PLCZ1: variants seen among roughly 807,000 people sequenced by gnomAD.
The protein encoded by PLCZ1 is 1-phosphatidylinositol 4,5-bisphosphate phosphodiesterase zeta-1.
PLCZ1 carries 64 observed loss-of-function variants against 76.8 expected under a neutral mutation model. The observed-to-expected ratio is 0.83, with a 90% confidence interval of 0.68 to 1.03. The LOEUF is 1.03. Among genes scored for constraint, PLCZ1 ranks in the 50% least tolerant of loss-of-function variants. The pLI is 0.00. For missense variants in PLCZ1, 751 were observed against 713.7 expected (o/e 1.05, Z -0.60); for synonymous variants, 248 against 230.8 (o/e 1.07, Z -0.68).
chr12:18,725,338 C>T (rs560847293), intron 3 of PLCZ1, among the ~76,000 whole-genome samples: 1 of 152,036 alleles, frequency 6.6e-6, no homozygotes, highest in Non-Finnish European at 1.5e-5. Context: ...TGCTGAGGCA[C>T]GTGACAGCAG....
chr12:18,655,071 G>C, the PLCZ1 span, among the ~76,000 whole-genome samples: 1 of 151,546 alleles, frequency 6.6e-6, no homozygotes, highest in East Asian at 2.0e-4. Flanking sequence ...AAATACCAGA[G>C]GCTTTTGATG....
rs948728978 is a variant in PLCZ1 at position 18,699,958 on chromosome 12, T to C, written c.1018-8A>G. On this transcript the variant is annotated splice_polypyrimidine_tract_variant and splice_region_variant and intron_variant, in intron 9 of 14. Coordinates refer to ENST00000266505, the MANE Select transcript of PLCZ1 (RefSeq NM_033123.4). ...AATTTTTAGCTTCCTGGTCTAAAAA[T>C]AAAATGCAGTAATTTTACATTTTTA... 1.9e-6 allele frequency: 3 copies of C among 1,603,462 alleles called. No individual in the cohort carries two copies. The highest frequency in any genetic ancestry group is 2.6e-6 in the Non-Finnish European group (3 of 1,174,426).
chr12:18,658,789 C>G, the PLCZ1 span, among the ~76,000 whole-genome samples: 414 of 152,176 alleles, frequency 2.7e-3, 1 homozygote, highest in African/African-American at 9.4e-3. Flanking sequence ...GAATGCTATA[C>G]TTTAGCTTAG....
intron 5 of PLCZ1, 43 bp downstream of exon 5, chr12:18,719,388 C>T: frequency 8.3e-7 from 1 of 1,203,680 alleles, no homozygotes; most frequent in Non-Finnish European, 1.1e-6. Context: ...CAGGAACTTC[C>T]AAGTATTTTT....
chr12:18,729,858 T>A (rs975494267), intron 3 of PLCZ1, among the ~76,000 whole-genome samples: 6 of 152,100 alleles, frequency 3.9e-5, no homozygotes, highest in African/African-American at 1.4e-4. Context: ...CTCAAATTTA[T>A]AATAAAATGT....
At chr12:18,721,465 T>C (rs1958429802) in intron 4 of PLCZ1, among the ~76,000 whole-genome samples, 3 of 152,062 alleles carry the variant, frequency 2.0e-5, no homozygotes, top group South Asian at 4.1e-4. Context: ...GGATGAACAG[T>C]ATAATATTGT....
At chr12:18,653,499 G>T in the PLCZ1 span, among the ~76,000 whole-genome samples, 2 of 152,130 alleles carry the variant, frequency 1.3e-5, no homozygotes, top group African/African-American at 4.8e-5. Flanking sequence ...ACAAGCTCTA[G>T]TAAATTTGTA....
At chr12:18,696,931 CACAA>C (rs1955145096) in intron 10 of PLCZ1, among the ~76,000 whole-genome samples, 2 of 152,102 alleles carry the variant, frequency 1.3e-5, no homozygotes, top group South Asian at 4.1e-4. Context: ...GTAGTATACA[CACAA>C]ACAGGAACAA....
At chr12:18,686,809 C>A (rs1302968724) in intron 13 of PLCZ1, among the ~76,000 whole-genome samples, 2 of 152,034 alleles carry the variant, frequency 1.3e-5, no homozygotes, top group Non-Finnish European at 2.9e-5. Context: ...GATTTTAAGT[C>A]TTTTACTACT....
intron 7 of PLCZ1, 54 bp from the exon 8 acceptor site, chr12:18,701,830 G>GT: frequency 1.9e-6 from 3 of 1,550,558 alleles, no homozygotes; most frequent in Non-Finnish European, 2.6e-6. Context: ...AATTTGCATT[G>GT]TAACAGTCAC....
chr12:18,701,040 A>G (rs1188215336), intron 9 of PLCZ1, among the ~76,000 whole-genome samples: 1 of 151,456 alleles, frequency 6.6e-6, no homozygotes, highest in African/African-American at 2.4e-5. Flanking sequence ...GTTGGAGTGC[A>G]ATGGCTCGAT....
chr12:18,701,354 G>A (rs745648109), intron 9 of PLCZ1, 147 bp downstream of exon 9: 9 of 1,408,366 alleles, frequency 6.4e-6, no homozygotes, highest in Non-Finnish European at 8.5e-6. Flanking sequence ...TTCCACCATC[G>A]ATGTTTTCAA....
At chr12:18,688,444 G>A (rs971714253) in intron 12 of PLCZ1, among the ~76,000 whole-genome samples, 1 of 151,760 alleles carries the variant, frequency 6.6e-6, no homozygotes, top group Non-Finnish European at 1.5e-5. Flanking sequence ...AATCCACAAT[G>A]TCCACAATTT....
the PLCZ1 span, among the ~76,000 whole-genome samples, chr12:18,652,318 C>T: frequency 6.6e-6 from 1 of 151,976 alleles, no homozygotes; most frequent in Non-Finnish European, 1.5e-5. Context: ...CAGATCTGCA[C>T]AGAAGGAAAA....
chr12:18,690,204 C>G (rs1592015650), intron 12 of PLCZ1, among the ~76,000 whole-genome samples: 1 of 151,000 alleles, frequency 6.6e-6, no homozygotes, highest in South Asian at 2.1e-4. Flanking sequence ...CAAAACACAT[C>G]TGTTTTTTGT....
chr12:18,656,075 G>A, the PLCZ1 span, among the ~76,000 whole-genome samples: 1 of 152,178 alleles, frequency 6.6e-6, no homozygotes, highest in Non-Finnish European at 1.5e-5. Context: ...TACTAGTAAA[G>A]GAGAGTGACA....
downstream of PLCZ1, among the ~76,000 whole-genome samples, chr12:18,679,812 A>T (rs1413534038): frequency 1.3e-5 from 2 of 152,018 alleles, no homozygotes; most frequent in African/African-American, 4.8e-5. Context: ...CTTATCCCTG[A>T]AAACAGGTAC....
At chr12:18,662,866 T>C in the PLCZ1 span, among the ~76,000 whole-genome samples, 1 of 151,880 alleles carries the variant, frequency 6.6e-6, no homozygotes, top group African/African-American at 2.4e-5. Flanking sequence ...CCAAAGGAAA[T>C]GAGAAAATAC....
At chr12:18,648,271 T>A in the PLCZ1 span, 1 of 266,584 alleles carries the variant, frequency 3.8e-6, no homozygotes, top group Non-Finnish European at 7.1e-6. Context: ...TGTAAAATAA[T>A]AAAAGACCTT....
Sources: gnomAD v4.1 joint callset for allele counts (sites outside exome capture counted in the v4.1 genomes callset) on GRCh38, gnomAD v4.1.1 for gene constraint, MANE v1.5 for transcripts, NCBI Gene and HGNC (gene_info 2026-07-23, HGNC 2026-07-21) for gene names.